Variants in ROBO1 observed in about 807,000 individuals in gnomAD.
ROBO1 encodes the protein roundabout guidance receptor 1.
A neutral mutation model predicts 195.9 loss-of-function variants in ROBO1; 149 were observed. The observed-to-expected ratio is 0.76, with a 90% CI of 0.67 to 0.87. ROBO1 has a LOEUF of 0.87. Ranked by LOEUF, ROBO1 falls within the 40% of genes least tolerant of loss-of-function variation. The pLI is 0.00. For missense variants in ROBO1, 1,933 were observed against 2,068.3 expected (o/e 0.93, Z 1.27); for synonymous variants, 816 against 733.2 (o/e 1.11, Z -1.82).
intron 10 of ROBO1, among the ~76,000 whole-genome samples, chr3:78,672,380 A>C (rs2107726925): frequency 6.6e-6 from 1 of 152,114 alleles, no homozygotes; most frequent in Non-Finnish European, 1.5e-5. Context: ...AGAGTTCAAA[A>C]CCCACCTGGG....
At chr3:79,204,092 G>A (rs1163324952) in intron 2 of ROBO1, among the ~76,000 whole-genome samples, 1 of 152,000 alleles carries the variant, frequency 6.6e-6, no homozygotes, top group Non-Finnish European at 1.5e-5. Context: ...TTGTATTTAT[G>A]TACGATAGTT....
chr3:79,704,706 C>T lies in ROBO1; in HGVS notation c.-51+63046G>A, dbSNP rs1358128737. Among the ~76,000 whole-genome samples, 4 of 151,968 alleles carry T rather than the reference C, an allele frequency of 2.6e-5. No homozygotes were observed. In the South Asian group the frequency reaches 6.2e-4, roughly 24 times the overall value. On this transcript the variant is annotated intron_variant, in intron 1 of 30. Transcript: ENST00000464233. ...AAGATTTTGGGGTAAATACCAAGAT[C>T]ACTGGGTCACTGTGTCATATAATAG...
rs2081109806 is a variant in ROBO1 at position 78,688,889 on chromosome 3, A to G, written c.1046-117T>C. On this transcript the variant is annotated intron_variant, in intron 8 of 30. Coordinates refer to ENST00000464233, the MANE Select transcript of ROBO1 (RefSeq NM_002941.4). Reference sequence around the variant, plus strand: ...TTTTATACAACATGTTATGTAAAACAGTCATGATATACCAATTCTTGTCCT... The same window carrying G: ...TTTTATACAACATGTTATGTAAAACGGTCATGATATACCAATTCTTGTCCT... 6.1e-6 allele frequency: 6 copies of G among 975,746 alleles called. No individual in the cohort carries two copies. In the Admixed American group the frequency reaches 1.8e-4, roughly 29 times the overall value. The allele number at this position is 975,746 out of a possible 1,614,324, so 60.4% of individuals were successfully genotyped here. A position where few individuals can be genotyped will look rare whatever the true frequency, so the allele number is the denominator to read the frequency against.
intron 1 of ROBO1, among the ~76,000 whole-genome samples, chr3:79,755,627 A>C (rs1264227171): frequency 6.6e-6 from 1 of 152,110 alleles, no homozygotes. Context: ...TGGATTAAAG[A>C]GATGTTATAA....
intron 4 of ROBO1, among the ~76,000 whole-genome samples, chr3:78,841,683 A>G (rs927184225): frequency 2.0e-5 from 3 of 152,210 alleles, no homozygotes; most frequent in Non-Finnish European, 2.9e-5. Context: ...ACTGCACAAA[A>G]CACCATAAAC....
At chr3:79,097,701 A>G (rs556539144) in intron 3 of ROBO1, among the ~76,000 whole-genome samples, 13 of 151,686 alleles carry the variant, frequency 8.6e-5, no homozygotes, top group East Asian at 7.8e-4. Context: ...AAACCTGTGG[A>G]AAAAAAGCAT....
intron 1 of ROBO1, among the ~76,000 whole-genome samples, chr3:79,599,302 G>A (rs1011841869): frequency 6.6e-6 from 1 of 151,958 alleles, no homozygotes; most frequent in Non-Finnish European, 1.5e-5. Context: ...GCATGTTAAA[G>A]CCAGCAGTTT....
intron 2 of ROBO1, among the ~76,000 whole-genome samples, chr3:79,559,433 A>T (rs1942826960): frequency 6.6e-6 from 1 of 152,222 alleles, no homozygotes. Flanking sequence ...GGAAAAAAGA[A>T]GATGAAGTTA....
At chr3:78,693,312 G>A (rs753819490) in intron 8 of ROBO1, 33 of 1,549,568 alleles carry the variant, frequency 2.1e-5, no homozygotes, top group South Asian at 1.2e-4. Context: ...ACAGTGACAC[G>A]GTGATGAGAA....
At chr3:79,086,835 T>A (rs905810743) in intron 3 of ROBO1, among the ~76,000 whole-genome samples, 1 of 152,136 alleles carries the variant, frequency 6.6e-6, no homozygotes, top group Non-Finnish European at 1.5e-5. Context: ...TAATCAACAA[T>A]GTTATGTAAT....
chr3:78,963,110 T>TATATA (rs1560055536), intron 3 of ROBO1, among the ~76,000 whole-genome samples: 1 of 151,426 alleles, frequency 6.6e-6, no homozygotes, highest in Non-Finnish European at 1.5e-5. Context: ...TATATATATA[T>TATATA]TACCTTGCAA....
At chr3:79,412,167 A>T (rs577566666) in intron 2 of ROBO1, among the ~76,000 whole-genome samples, 1 of 152,268 alleles carries the variant, frequency 6.6e-6, no homozygotes, top group African/African-American at 2.4e-5. Flanking sequence ...ATAAATTTTT[A>T]AAAAGCAGGT....
chr3:78,726,178 T>C (rs1161486731), intron 5 of ROBO1, among the ~76,000 whole-genome samples: 2 of 152,202 alleles, frequency 1.3e-5, no homozygotes, highest in Non-Finnish European at 2.9e-5. Context: ...TCTCATTTCC[T>C]TTAATATATT....
At chr3:78,893,126 T>C (rs1164615311) in intron 4 of ROBO1, among the ~76,000 whole-genome samples, 1 of 152,216 alleles carries the variant, frequency 6.6e-6, no homozygotes, top group Admixed American at 6.5e-5. Flanking sequence ...GCTTTTGTCA[T>C]AGATTCGTTG....
intron 2 of ROBO1, among the ~76,000 whole-genome samples, chr3:79,221,392 C>T (rs936884865): frequency 1.3e-4 from 20 of 152,026 alleles, no homozygotes; most frequent in African/African-American, 4.6e-4. Context: ...AGAAGCAGAC[C>T]CAATTCTATT....
intron 1 of ROBO1, among the ~76,000 whole-genome samples, chr3:79,643,937 T>C (rs549267442): frequency 2.2e-4 from 34 of 152,218 alleles, no homozygotes; most frequent in African/African-American, 7.9e-4. Flanking sequence ...CACGCAAGTT[T>C]ACACTGTCTG....
chr3:78,729,778 T>C (rs1464763362), intron 5 of ROBO1, among the ~76,000 whole-genome samples: 1 of 152,256 alleles, frequency 6.6e-6, no homozygotes, highest in African/African-American at 2.4e-5. Context: ...AGAAAGCTAA[T>C]TGATTTTTAC....
At chr3:78,605,118 A>T (rs1703392245) in intron 29 of ROBO1, among the ~76,000 whole-genome samples, 1 of 152,176 alleles carries the variant, frequency 6.6e-6, no homozygotes, top group African/African-American at 2.4e-5. Context: ...CAAAAAACAT[A>T]TTGCAAGATC....
chr3:79,755,035 C>T (rs1005665480), intron 1 of ROBO1, among the ~76,000 whole-genome samples: 11 of 151,940 alleles, frequency 7.2e-5, no homozygotes, highest in African/African-American at 1.7e-4. Context: ...TATGCACCAC[C>T]ATGCCCGGCT....
Sources: allele counts gnomAD v4.1 joint callset (sites outside exome capture counted in the v4.1 genomes callset), GRCh38; gene constraint gnomAD v4.1.1; transcripts MANE v1.5; gene names NCBI Gene and HGNC (gene_info 2026-07-23, HGNC 2026-07-21).